The following RB1 variants were observed in gnomAD, a reference collection of about 807,000 sequenced individuals.
RB1 encodes the protein RB transcriptional corepressor 1.
In RB1, 18 loss-of-function variants were observed where a neutral mutation model predicts 135.4. The observed-to-expected ratio is 0.13, with a 90% CI of 0.09 to 0.20. RB1 has a LOEUF of 0.20. RB1 is among the 10% of genes least tolerant of loss of function. RB1 has a pLI of 1.00. For missense variants in RB1, 868 were observed against 1,110.0 expected (o/e 0.78, Z 3.10); for synonymous variants, 365 against 373.2 (o/e 0.98, Z 0.25).
chr13:48,368,395 A>G (rs1270077934), intron 10 of RB1, 132 bp from the exon 11 acceptor site: 1 of 1,171,070 alleles, frequency 8.5e-7, no homozygotes, highest in African/African-American at 1.6e-5. Context: ...TCTATTTTCT[A>G]TCCTATCTAT....
intron 2 of RB1, among the ~76,000 whole-genome samples, chr13:48,316,116 C>T (rs1182320363): frequency 1.3e-5 from 2 of 152,174 alleles, no homozygotes; most frequent in Non-Finnish European, 2.9e-5. Context: ...CAGGGCTGAG[C>T]TGCAGAGCAG....
At position 48,363,014 on chromosome 13, in the gene RB1, T is replaced by A. The variant is rs1952657622; in HGVS notation, c.861+57T>A. ...TTAAAGTAGATTTAGATGTAAGTTCTCCCTAACAATATTTACTTCTTTTGT... is the reference window on the plus strand; with the variant it reads ...TTAAAGTAGATTTAGATGTAAGTTCACCCTAACAATATTTACTTCTTTTGT... On this transcript the variant is annotated intron_variant, in intron 8 of 26. Transcript: ENST00000267163. 5 of 1,584,690 alleles carry A rather than the reference T, an allele frequency of 3.2e-6. No individual in the cohort carries two copies. The South Asian group carries it at 5.6e-5, about 18-fold the overall frequency.
At chr13:48,412,460 T>C in intron 17 of RB1, 1 of 1,373,962 alleles carries the variant, frequency 7.3e-7, no homozygotes, top group Non-Finnish European at 1.0e-6. Flanking sequence ...TGGAAGCACT[T>C]TCATCAGCTG....
chr13:48,435,538 C>T (rs1949174726), intron 17 of RB1, among the ~76,000 whole-genome samples: 1 of 152,146 alleles, frequency 6.6e-6, no homozygotes, highest in African/African-American at 2.4e-5. Context: ...ATCTTCTTCA[C>T]ATCATGTTTC....
chr13:48,478,629 C>T (rs537851734), intron 26 of RB1, among the ~76,000 whole-genome samples: 1 of 152,168 alleles, frequency 6.6e-6, no homozygotes, highest in Non-Finnish European at 1.5e-5. Flanking sequence ...GGCGAGCTTC[C>T]TCTGCCAGGC....
intron 2 of RB1, chr13:48,320,411 G>C: frequency 2.7e-6 from 3 of 1,122,668 alleles, no homozygotes; most frequent in Non-Finnish European, 4.0e-6. Context: ...AAGCTCCCTG[G>C]TGGGCCAAAG....
At chr13:48,365,867 A>G (rs975343171) in intron 9 of RB1, among the ~76,000 whole-genome samples, 4 of 152,196 alleles carry the variant, frequency 2.6e-5, no homozygotes, top group Admixed American at 1.3e-4. Flanking sequence ...AGGAGTCTAC[A>G]AGAGTGTGAA....
chr13:48,360,337 A>C lies in RB1; in HGVS notation c.718+210A>C, dbSNP rs185751166. ...ATATGGTAGAAAGTGGTTTGGGTCA[A>C]AATACAACAAATGGAGGTTTGGGAG... On this transcript the variant is annotated intron_variant, in intron 7 of 26. Coordinates refer to ENST00000267163, the MANE Select transcript of RB1 (RefSeq NM_000321.3). 4.4e-4 allele frequency: 456 copies of C among 1,043,216 alleles called. 1 individual carries two copies. Among genetic ancestry groups the C allele is most frequent in the Admixed American group, 6.1e-4 (18 of 29,394 alleles). 64.6% of individuals were successfully genotyped at this position (1,043,216 alleles called of 1,614,324 possible).
chr13:48,412,761 G>A (rs2138205962), intron 17 of RB1: 1 of 336,170 alleles, frequency 3.0e-6, no homozygotes, highest in South Asian at 3.2e-5. Context: ...GAAAAGCTGT[G>A]ATCTGTGACC....
At chr13:48,330,632 C>G (rs955831707) in intron 2 of RB1, among the ~76,000 whole-genome samples, 3 of 151,982 alleles carry the variant, frequency 2.0e-5, no homozygotes, top group African/African-American at 7.3e-5. Context: ...TCTGAATGAC[C>G]AATAACAAAT....
At chr13:48,473,683 CACA>C (rs1228147955) in intron 24 of RB1, among the ~76,000 whole-genome samples, 1 of 152,050 alleles carries the variant, frequency 6.6e-6, no homozygotes, top group Non-Finnish European at 1.5e-5. Context: ...TGTTTTTGCT[CACA>C]ACATTTCTAT....
intron 2 of RB1, chr13:48,341,240 T>TTA (rs1952440124): frequency 6.6e-6 from 1 of 152,096 alleles, no homozygotes; most frequent in Non-Finnish European, 1.5e-5. Flanking sequence ...ATCTATATTG[T>TTA]TATATATATT....
intron 17 of RB1, among the ~76,000 whole-genome samples, chr13:48,395,055 G>A (rs1948637312): frequency 6.7e-6 from 1 of 150,102 alleles, no homozygotes; most frequent in Admixed American, 6.7e-5. Flanking sequence ...GAAGGAACAG[G>A]CAGCAATCTT....
intron 17 of RB1, among the ~76,000 whole-genome samples, chr13:48,392,774 T>A (rs1948620992): frequency 6.6e-6 from 1 of 151,898 alleles, no homozygotes; most frequent in African/African-American, 2.4e-5. Flanking sequence ...CTCTTTTTTT[T>A]AAGAGTCGTA....
At chr13:48,317,080 G>A in intron 2 of RB1, 2 of 849,468 alleles carry the variant, frequency 2.4e-6, no homozygotes, top group Non-Finnish European at 3.3e-6. Flanking sequence ...CTTGGCCAGG[G>A]CCCGCCGTCC....
intron 11 of RB1, among the ~76,000 whole-genome samples, chr13:48,370,119 C>G (rs1566195280): frequency 6.6e-6 from 1 of 152,020 alleles, no homozygotes; most frequent in Non-Finnish European, 1.5e-5. Flanking sequence ...AATGTCTGAA[C>G]TGAATTTTGA....
At chr13:48,353,757 G>T (rs1952568487) in intron 6 of RB1, among the ~76,000 whole-genome samples, 1 of 152,054 alleles carries the variant, frequency 6.6e-6, no homozygotes, top group Non-Finnish European at 1.5e-5. Context: ...GTCGCAGTGG[G>T]ATTTATCCCT....
chr13:48,317,342 C>T (rs1952193917), intron 2 of RB1: 1 of 386,510 alleles, frequency 2.6e-6, no homozygotes. Flanking sequence ...CCGCTCCCGA[C>T]GCCCCGCCTC....
At chr13:48,383,558 G>A (rs771750844) in intron 17 of RB1, among the ~76,000 whole-genome samples, 5 of 151,846 alleles carry the variant, frequency 3.3e-5, no homozygotes, top group South Asian at 2.1e-4. Context: ...ATTTCCTTAC[G>A]TTTTGAATTT....
Sources: allele counts gnomAD v4.1 joint callset (sites outside exome capture counted in the v4.1 genomes callset), GRCh38; gene constraint gnomAD v4.1.1; transcripts MANE v1.5; gene names NCBI Gene and HGNC (gene_info 2026-07-23, HGNC 2026-07-21).